SORCS3: variants seen among roughly 807,000 people sequenced by gnomAD.
The protein encoded by SORCS3 is VPS10 domain-containing receptor SorCS3.
Under a neutral mutation model 146.3 loss-of-function variants are expected in SORCS3, and 57 were observed. The observed-to-expected ratio is 0.39, with a 90% CI of 0.31 to 0.49. SORCS3 has a LOEUF of 0.49. Ranked by LOEUF, SORCS3 falls within the 20% of genes least tolerant of loss-of-function variation. SORCS3 has a pLI of 0.92. For synonymous variants in SORCS3, 653 were observed against 618.5 expected (o/e 1.06, Z -0.83); for missense variants, 1,341 against 1,575.5 (o/e 0.85, Z 2.52).
At chr10:105,090,791 T>C (rs1429855374) in intron 6 of SORCS3, among the ~76,000 whole-genome samples, 1 of 152,120 alleles carries the variant, frequency 6.6e-6, no homozygotes, top group Non-Finnish European at 1.5e-5. Context: ...GATTATAGGT[T>C]AATCAAATAG....
Position 104,894,253 on chromosome 10 carries a change from G to A in SORCS3, c.696-21580G>A, listed in dbSNP as rs990452183. ...TTCTCTCAAATAGTGTTAGAGGAGG[G>A]AAAAAGGCATTGCTCTTTTCAGTAT... is the stretch of plus-strand genomic sequence containing the variant. On this transcript the variant is annotated intron_variant, in intron 2 of 26. Coordinates refer to ENST00000369701, the MANE Select transcript of SORCS3 (RefSeq NM_014978.3). Among the ~76,000 whole-genome samples the A allele has an allele frequency of 5.3e-5, 8 of 152,106 alleles. No homozygotes were observed. The East Asian group carries it at 1.2e-3, about 22-fold the overall frequency.
intron 1 of SORCS3, among the ~76,000 whole-genome samples, chr10:104,772,235 G>T (rs61867288): frequency 6.6e-6 from 1 of 151,736 alleles, no homozygotes; most frequent in South Asian, 2.1e-4. Flanking sequence ...GCAGGGGATT[G>T]TGCAGCAGGG....
intron 1 of SORCS3, among the ~76,000 whole-genome samples, chr10:104,756,009 C>G (rs970681364): frequency 3.3e-5 from 5 of 152,122 alleles, no homozygotes; most frequent in African/African-American, 1.2e-4. Flanking sequence ...GGAGCCAGCC[C>G]CTGCTTCCCT....
chr10:104,674,825 A>G (rs2015895915), intron 1 of SORCS3, among the ~76,000 whole-genome samples: 1 of 152,210 alleles, frequency 6.6e-6, no homozygotes, highest in Admixed American at 6.5e-5. Flanking sequence ...GTGGATATAT[A>G]TAACTTTAGT....
intron 2 of SORCS3, among the ~76,000 whole-genome samples, chr10:104,876,575 A>G (rs1485986250): frequency 6.6e-6 from 1 of 152,132 alleles, no homozygotes; most frequent in African/African-American, 2.4e-5. Context: ...AGAAGCCTGG[A>G]TAGGGTTTTT....
intron 13 of SORCS3, among the ~76,000 whole-genome samples, chr10:105,177,580 T>C (rs1408800280): frequency 6.6e-6 from 1 of 152,134 alleles, no homozygotes; most frequent in African/African-American, 2.4e-5. Flanking sequence ...AAAAGCCCCT[T>C]AAAGTGGCAC....
intron 4 of SORCS3, among the ~76,000 whole-genome samples, chr10:104,999,769 G>T (rs967923791): frequency 6.6e-6 from 1 of 152,126 alleles, no homozygotes; most frequent in Non-Finnish European, 1.5e-5. Flanking sequence ...TTTACTCTGG[G>T]ATCATCGTGG....
intron 2 of SORCS3, among the ~76,000 whole-genome samples, chr10:104,856,302 T>A (rs2018330839): frequency 6.6e-6 from 1 of 151,094 alleles, no homozygotes. Context: ...TATATATATA[T>A]CATCAATTAG....
In SORCS3 at chr10:105,214,626, C is replaced by T; in HGVS notation, c.2547+13C>T. 6.5e-7 allele frequency: 1 copy of T among 1,549,920 alleles called. No homozygotes were observed. Among genetic ancestry groups the T allele is most frequent in the Non-Finnish European group, 8.7e-7 (1 of 1,148,850 alleles). Reference sequence around the variant, plus strand: ...CCTCATGGAGGAGGTAGGTGCTCAACTGGGTCTCTGAGGTCAGAACTCCCA... The same window carrying T: ...CCTCATGGAGGAGGTAGGTGCTCAATTGGGTCTCTGAGGTCAGAACTCCCA... On this transcript the variant is annotated intron_variant, in intron 18 of 26. Transcript: ENST00000369701.
intron 3 of SORCS3, among the ~76,000 whole-genome samples, chr10:104,944,484 A>G (rs1043564180): frequency 2.6e-4 from 39 of 152,300 alleles, no homozygotes; most frequent in African/African-American, 8.4e-4. Flanking sequence ...TCATATCTAG[A>G]CTACATAAAT....
chr10:105,149,397 A>C (rs2056153267), intron 9 of SORCS3, among the ~76,000 whole-genome samples: 1 of 152,114 alleles, frequency 6.6e-6, no homozygotes, highest in Non-Finnish European at 1.5e-5. Flanking sequence ...CTTAAACAAC[A>C]AGGTCCCAGT....
intron 14 of SORCS3, among the ~76,000 whole-genome samples, chr10:105,182,475 T>A (rs955834455): frequency 2.0e-5 from 3 of 152,076 alleles, no homozygotes; most frequent in African/African-American, 4.8e-5. Context: ...TAAGGTTTGT[T>A]CCATCAAGGA....
At chr10:104,955,627 G>A (rs947053958) in intron 3 of SORCS3, among the ~76,000 whole-genome samples, 1 of 152,196 alleles carries the variant, frequency 6.6e-6, no homozygotes, top group Non-Finnish European at 1.5e-5. Flanking sequence ...ATGAGAACAG[G>A]CTTGGCTCCA....
chr10:105,079,188 C>T (rs2055607532), intron 5 of SORCS3, among the ~76,000 whole-genome samples: 1 of 152,166 alleles, frequency 6.6e-6, no homozygotes, highest in African/African-American at 2.4e-5. Flanking sequence ...ACAAGCCCAC[C>T]AGAAGATTCT....
In SORCS3 at chr10:105,109,935, C is replaced by T. The variant is rs561162455; in HGVS notation, c.1212+4420C>T. Among the ~76,000 whole-genome samples the T allele has an allele frequency of 6.0e-5, 9 of 151,156 alleles. No homozygotes were observed. In the South Asian group the frequency reaches 6.3e-4, roughly 11 times the overall value. On this transcript the variant is annotated intron_variant, in intron 7 of 26. Transcript: ENST00000369701. The stretch of plus-strand genomic sequence containing the variant: ...ATTTTTTCTTTATTTTTTAATTTCT[C>T]GGGAGTTTCTGTGGCATATCTTGAA...
At chr10:104,764,622 G>A (rs1273160828) in intron 1 of SORCS3, among the ~76,000 whole-genome samples, 6 of 152,180 alleles carry the variant, frequency 3.9e-5, no homozygotes, top group Admixed American at 3.9e-4. Flanking sequence ...TATTCTAGAT[G>A]CTTGAGCCAA....
chr10:105,104,437 C>T (rs1221361739), intron 6 of SORCS3, among the ~76,000 whole-genome samples: 2 of 152,058 alleles, frequency 1.3e-5, no homozygotes, highest in African/African-American at 4.8e-5. Flanking sequence ...ATCAGAAAGC[C>T]TTTTGGAGCC....
chr10:104,809,217 T>G (rs568872168), intron 1 of SORCS3, among the ~76,000 whole-genome samples: 28 of 152,334 alleles, frequency 1.8e-4, no homozygotes, highest in Middle Eastern at 3.4e-3. Context: ...CTTAATTAGT[T>G]GCCTAAGCGT....
At chr10:105,228,764 CTATTTTTTGAA>C (rs2056749553) in intron 20 of SORCS3, among the ~76,000 whole-genome samples, 1 of 152,038 alleles carries the variant, frequency 6.6e-6, no homozygotes, top group Admixed American at 6.5e-5. Context: ...TTTCCTTTGC[CTATTTTTTGAA>C]TTCTGTATTT....
Sources: allele counts gnomAD v4.1 joint callset (sites outside exome capture counted in the v4.1 genomes callset), GRCh38; gene constraint gnomAD v4.1.1; transcripts MANE v1.5; gene names NCBI Gene and HGNC (gene_info 2026-07-23, HGNC 2026-07-21).